Variants in KNG1 observed in about 807,000 individuals in gnomAD.
KNG1 encodes kininogen-1.
A neutral mutation model predicts 47.8 loss-of-function variants in KNG1; 23 were observed. The ratio of observed to expected loss-of-function variants is 0.48; its 90% CI spans 0.35 to 0.68. The LOEUF is 0.68. Ranked by LOEUF, KNG1 falls within the 30% of genes least tolerant of loss-of-function variation. KNG1 has a pLI of 0.01. For missense variants in KNG1, 762 were observed against 790.2 expected, an observed-to-expected ratio of 0.96 and a Z score of 0.43; for synonymous variants, 277 against 277.0, an observed-to-expected ratio of 1.00 and a Z score of 0.00.
chr3:186,727,361 T>G lies in KNG1; in HGVS notation c.672+17T>G. ...TGGAATGGTGTAAGTAGGCAAAAAT[T>G]TAATGATAAAGTTCTTAGCATTTTG... On this transcript the variant is annotated intron_variant, in intron 5 of 9. Transcript: ENST00000644859. 1 of 1,445,542 alleles carries G rather than the reference T, an allele frequency of 6.9e-7. No individual in the cohort carries two copies. The highest frequency in any genetic ancestry group is 9.7e-7 in the Non-Finnish European group (1 of 1,026,734). 89.5% of individuals were successfully genotyped at this position (1,445,542 alleles called of 1,614,324 possible). A position where few individuals can be genotyped will look rare whatever the true frequency, so the allele number is the denominator to read the frequency against.
At position 186,742,187 on chromosome 3, in the gene KNG1, C is replaced by G; in HGVS notation, c.1791C>G (p.Gly597=). 1.2e-6 allele frequency: 2 copies of G among 1,614,110 alleles called. No homozygotes were observed. The highest frequency in any genetic ancestry group is 1.7e-5 in the Admixed American group (1 of 60,016). ...CTGATATCCAGATAGACCCAAATGG[C>G]CTTTCATTTAACCCAATATCAGATT... ...WIPDIQIDPN[G]LSFNPISDFP... The change falls in exon 10 of 10, where the codon GGC becomes GGG. Residue 597 remains glycine (G), a synonymous_variant. Transcript: ENST00000644859.
chr3:186,721,817 A>C (rs1282006199), intron 2 of KNG1: 1 of 154,590 alleles, frequency 6.5e-6, no homozygotes, highest in Non-Finnish European at 1.4e-5. Flanking sequence ...GGTTAGAAAG[A>C]AATAGCTCCA....
In KNG1 at chr3:186,744,282, C is replaced by T. The variant is rs1720885431; in HGVS notation, c.*1951C>T. ...TTACCAAAAATATTTTTAAAATCAT[C>T]TCTGTTAATAGAATGTCTACCAACT... On this transcript the variant is annotated 3_prime_UTR_variant, in exon 10 of 10. Transcript: ENST00000644859. 6.2e-6 allele frequency: 1 copy of T among 160,696 alleles called. No individual in the cohort carries two copies. The highest frequency in any genetic ancestry group is 1.7e-4 in the East Asian group (1 of 5,884). The allele number at this position is 160,696 out of a possible 1,614,324, so 10.0% of individuals were successfully genotyped here. A position where few individuals can be genotyped will look rare whatever the true frequency, so the allele number is the denominator to read the frequency against.
chr3:186,725,334 T>C (rs1720329065), intron 4 of KNG1, 74 bp downstream of exon 4: 2 of 1,422,444 alleles, frequency 1.4e-6, no homozygotes, highest in South Asian at 2.3e-5. Flanking sequence ...AATGTATGAT[T>C]GCATGGCTGG....
At chr3:186,732,761 T>C in intron 7 of KNG1, 87 bp downstream of exon 7, 1 of 1,030,212 alleles carries the variant, frequency 9.7e-7, no homozygotes. Context: ...GGCTCTGGAT[T>C]GGGAAACCAT....
At chr3:186,725,645 G>C (rs266726) in intron 4 of KNG1, among the ~76,000 whole-genome samples, 2 of 147,260 alleles carry the variant, frequency 1.4e-5, no homozygotes, top group Non-Finnish European at 3.0e-5. Flanking sequence ...CCTGGGTTCA[G>C]GCCATTCTCC....
intron 3 of KNG1, 60 bp downstream of exon 3, chr3:186,722,581 G>A: frequency 7.6e-7 from 1 of 1,319,634 alleles, no homozygotes; most frequent in African/African-American, 1.4e-5. Context: ...TGTGAGCCAG[G>A]AACACAATCT....
chr3:186,742,375 C>A lies in KNG1; in HGVS notation c.*44C>A. On this transcript the variant is annotated 3_prime_UTR_variant, in exon 10 of 10. Transcript: ENST00000644859. Reference sequence around the variant, plus strand: ...TTTCTTTCATACTTTATTAAAGTATCAATATCCCTCTCTCCATTGTCCAGA... The same window carrying A: ...TTTCTTTCATACTTTATTAAAGTATAAATATCCCTCTCTCCATTGTCCAGA... 1.2e-6 allele frequency: 2 copies of A among 1,608,306 alleles called. No individual in the cohort carries two copies. The highest frequency in any genetic ancestry group is 2.2e-5 in the South Asian group (2 of 90,778).
At chr3:186,722,654 C>A (rs1720239013) in intron 3 of KNG1, 133 bp downstream of exon 3, 1 of 753,446 alleles carries the variant, frequency 1.3e-6, no homozygotes, top group Non-Finnish European at 2.3e-6. Flanking sequence ...AGTTAGGGAG[C>A]ATTGGGTGGA....
At chr3:186,717,816 A>G in intron 1 of KNG1, 79 bp downstream of exon 1, 1 of 988,872 alleles carries the variant, frequency 1.0e-6, no homozygotes, top group Admixed American at 1.8e-5. Flanking sequence ...ACACACACAC[A>G]CATACCACCA....
intron 7 of KNG1, 90 bp downstream of exon 7, chr3:186,732,764 G>A (rs540812893): frequency 9.9e-7 from 1 of 1,009,114 alleles, no homozygotes; most frequent in East Asian, 2.4e-5. Context: ...TCTGGATTGG[G>A]AAACCATACA....
rs1255839810 is a variant in KNG1, at chr3:186,742,368, A to G, written c.*37A>G. ...ATGGGTATTTCTTTCATACTTTATT[A>G]AAGTATCAATATCCCTCTCTCCATT... On this transcript the variant is annotated 3_prime_UTR_variant, in exon 10 of 10. Coordinates refer to ENST00000644859, the MANE Select transcript of KNG1 (RefSeq NM_001102416.3). 4 of 1,610,456 alleles carry G rather than the reference A, an allele frequency of 2.5e-6. No homozygotes were observed. Among genetic ancestry groups the G allele is most frequent in the Admixed American group, 1.7e-5 (1 of 60,014 alleles).
rs1720845975 is a variant in KNG1 at position 186,742,611 on chromosome 3, A to G, written c.*280A>G. 6.4e-6 allele frequency: 8 copies of G among 1,255,986 alleles called. No homozygotes were observed. The highest frequency in any genetic ancestry group is 2.0e-5 in the South Asian group (1 of 49,750). The allele number at this position is 1,255,986 out of a possible 1,614,324, so 77.8% of individuals were successfully genotyped here. On this transcript the variant is annotated 3_prime_UTR_variant, in exon 10 of 10. Coordinates refer to ENST00000644859, the MANE Select transcript of KNG1 (RefSeq NM_001102416.3). The stretch of plus-strand genomic sequence containing the variant: ...CTAATGTGCCGTATGGCCTGCTGCA[A>G]TTGGCTTCTCTGATAACAAATATGT...
At chr3:186,731,115 T>C (rs1318367426) in intron 5 of KNG1, among the ~76,000 whole-genome samples, 1 of 152,230 alleles carries the variant, frequency 6.6e-6, no homozygotes, top group African/African-American at 2.4e-5. Context: ...CCAATATTAC[T>C]AATACTGTAG....
chr3:186,730,128 A>G (rs192749790), intron 5 of KNG1, among the ~76,000 whole-genome samples: 6 of 150,034 alleles, frequency 4.0e-5, no homozygotes, highest in Admixed American at 2.7e-4. Context: ...ATAACATTAT[A>G]TGGAATTCTC....
rs536220618 is a variant in KNG1, at chr3:186,737,807, G to A, written c.931-1292G>A. On this transcript the variant is annotated intron_variant, in intron 7 of 9. Coordinates refer to ENST00000644859, the MANE Select transcript of KNG1 (RefSeq NM_001102416.3). ...ACCCCTGACCTCAGGTGATCTGCCCGCCTCAGGCCCCCAAAGTGCTGGAAT... is the reference window on the plus strand; with the variant it reads ...ACCCCTGACCTCAGGTGATCTGCCCACCTCAGGCCCCCAAAGTGCTGGAAT... Among the ~76,000 whole-genome samples, 421 of 152,088 alleles carry A rather than the reference G, an allele frequency of 2.8e-3. 1 individual carries two copies. The highest frequency in any genetic ancestry group is 0.02 in the Middle Eastern group (6 of 294).
rs759452781 is a variant in KNG1, at chr3:186,732,600, A to G, written c.856A>G (p.Ile286Val). ...PELEETLTHT[I>V]TKLNAENNAT... ...GCTGGAGGAGACACTGACTCACACCATCACAAAGCTTAATGCAGAGAATAA... is the reference window on the plus strand; with the variant it reads ...GCTGGAGGAGACACTGACTCACACCGTCACAAAGCTTAATGCAGAGAATAA... The change falls in exon 7 of 10, where the codon ATC becomes GTC. Residue 286 changes from isoleucine to valine, a missense_variant. Physicochemically the swap from Ile to Val is conservative, Grantham distance 29 (BLOSUM62 3). Coordinates refer to ENST00000644859, the MANE Select transcript of KNG1 (RefSeq NM_001102416.3). 2 of 1,614,086 alleles carry G rather than the reference A, an allele frequency of 1.2e-6. No individual in the cohort carries two copies. The highest frequency in any genetic ancestry group is 1.1e-5 in the South Asian group (1 of 91,086).
intron 7 of KNG1, among the ~76,000 whole-genome samples, chr3:186,737,795 G>A (rs1169999673): frequency 1.3e-5 from 2 of 152,054 alleles, no homozygotes; most frequent in Non-Finnish European, 2.9e-5. Context: ...CCTGACCTCA[G>A]GTGATCTGCC....
chr3:186,718,889 G>A (rs967763684), intron 1 of KNG1, among the ~76,000 whole-genome samples: 2 of 152,130 alleles, frequency 1.3e-5, no homozygotes, highest in African/African-American at 4.8e-5. Context: ...ACAAATCCTG[G>A]CAGGATGCAT....
Sources: allele counts gnomAD v4.1 joint callset (sites outside exome capture counted in the v4.1 genomes callset), GRCh38; gene constraint gnomAD v4.1.1; transcripts MANE v1.5; gene names NCBI Gene and HGNC (gene_info 2026-07-23, HGNC 2026-07-21).